Variants in SYN3 observed in about 807,000 individuals in gnomAD.
SYN3 encodes the protein synapsin III.
A neutral mutation model predicts 65.8 loss-of-function variants in SYN3; 35 were observed. That is an observed-to-expected ratio of 0.53 (90% CI 0.41 to 0.70). The LOEUF (loss-of-function observed/expected upper bound fraction) is 0.70. Among genes scored for constraint, SYN3 ranks in the 30% least tolerant of loss-of-function variants. SYN3 has a pLI of 0.00. For synonymous variants in SYN3, 270 were observed against 292.9 expected (o/e 0.92, Z 0.80); for missense variants, 680 against 749.0 (o/e 0.91, Z 1.08).
intron 6 of SYN3, among the ~76,000 whole-genome samples, chr22:32,658,665 C>T (rs1449114860): frequency 3.3e-5 from 5 of 152,064 alleles, no homozygotes; most frequent in Admixed American, 1.3e-4. Context: ...TAAGGATGTT[C>T]GTGGTGACAA....
At chr22:32,624,811 T>A (rs921707903) in intron 6 of SYN3, among the ~76,000 whole-genome samples, 1 of 152,190 alleles carries the variant, frequency 6.6e-6, no homozygotes, top group Non-Finnish European at 1.5e-5. Flanking sequence ...GGTTAGCATT[T>A]CCTTGCCAGA....
intron 6 of SYN3, among the ~76,000 whole-genome samples, chr22:32,831,846 C>T (rs1443130639): frequency 2.0e-5 from 3 of 152,102 alleles, no homozygotes; most frequent in East Asian, 3.9e-4. Flanking sequence ...GATGTCACTG[C>T]ACCCCCCCCA....
chr22:32,523,562 A>C (rs1664309345), intron 12 of SYN3, among the ~76,000 whole-genome samples: 1 of 152,142 alleles, frequency 6.6e-6, no homozygotes. Flanking sequence ...CTTACTTGAT[A>C]AATGTGTGTG....
chr22:32,786,524 G>A (rs962968510), intron 6 of SYN3, among the ~76,000 whole-genome samples: 2 of 151,844 alleles, frequency 1.3e-5, no homozygotes, highest in Non-Finnish European at 2.9e-5. Flanking sequence ...CACCACGCCC[G>A]GCAAATTTTT....
intron 3 of SYN3, among the ~76,000 whole-genome samples, chr22:32,963,242 ATTTT>A (rs59829876): frequency 8.9e-6 from 1 of 111,842 alleles, no homozygotes; most frequent in African/African-American, 3.6e-5. Flanking sequence ...TGCCTGGCTA[ATTTT>A]TTTTTTTTTT....
chr22:32,636,347 AGCCGAGATTGT>A lies in SYN3; in HGVS notation c.712-39622_712-39612del, dbSNP rs202246710. Reference sequence around the variant, plus strand: ...AACCCGGGAGGCGGAGCTTGCAGTGAGCCGAGATTGTGCCACTGCACTCCAGCCGGGACGAC... The same window carrying A: ...AACCCGGGAGGCGGAGCTTGCAGTGAGCCACTGCACTCCAGCCGGGACGAC... On this transcript the variant is annotated intron_variant, in intron 6 of 13. Transcript: ENST00000358763. Among the ~76,000 whole-genome samples the A allele has an allele frequency of 1.5e-3, 233 of 150,964 alleles. 3 individuals are homozygous for A. The East Asian group carries it at 0.039, about 25-fold the overall frequency.
intron 6 of SYN3, among the ~76,000 whole-genome samples, chr22:32,811,189 C>T (rs963256663): frequency 1.3e-5 from 2 of 151,962 alleles, no homozygotes; most frequent in Non-Finnish European, 2.9e-5. Context: ...GCAGGGAAGG[C>T]ATGTCTGGAG....
chr22:32,605,073 C>T (rs1272330157), intron 6 of SYN3, among the ~76,000 whole-genome samples: 1 of 151,824 alleles, frequency 6.6e-6, no homozygotes, highest in Non-Finnish European at 1.5e-5. Flanking sequence ...CTCCACTCCC[C>T]ATAGGTGGTC....
At chr22:32,814,320 A>AAAGAAAGAAAGAAAGG (rs2047018387) in intron 6 of SYN3, among the ~76,000 whole-genome samples, 5 of 144,704 alleles carry the variant, frequency 3.5e-5, no homozygotes, top group African/African-American at 1.3e-4. Context: ...AGAGAGACAG[A>AAAGAAAGAAAGAAAGG]AAGAAAGAAA....
intron 12 of SYN3, among the ~76,000 whole-genome samples, chr22:32,520,328 G>A (rs773001601): frequency 1.3e-5 from 2 of 151,500 alleles, no homozygotes; most frequent in East Asian, 1.9e-4. Flanking sequence ...GTAGAGATGG[G>A]GTGTCGCTGT....
intron 6 of SYN3, among the ~76,000 whole-genome samples, chr22:32,652,780 AG>A (rs1309225930): frequency 8.5e-5 from 13 of 152,190 alleles, no homozygotes; most frequent in African/African-American, 3.1e-4. Context: ...GTCACTCCCT[AG>A]TTAGCGGCAG....
intron 2 of SYN3, among the ~76,000 whole-genome samples, chr22:32,981,132 G>T (rs1411105554): frequency 6.6e-6 from 1 of 151,256 alleles, no homozygotes; most frequent in African/African-American, 2.4e-5. Flanking sequence ...TGGGATTACA[G>T]GCGTGAGCCA....
At chr22:32,552,161 G>A (rs1008271732) in intron 7 of SYN3, among the ~76,000 whole-genome samples, 5 of 152,194 alleles carry the variant, frequency 3.3e-5, no homozygotes, top group Admixed American at 6.5e-5. Flanking sequence ...CGGAAGAATC[G>A]CTTGAACCCG....
At chr22:32,997,342 CTG>C (rs1303266093) in intron 2 of SYN3, among the ~76,000 whole-genome samples, 2 of 152,212 alleles carry the variant, frequency 1.3e-5, no homozygotes, top group Non-Finnish European at 2.9e-5. Context: ...TCAAAGAGCT[CTG>C]TCATTCATGT....
At chr22:32,743,360 G>A (rs1465579184) in intron 6 of SYN3, among the ~76,000 whole-genome samples, 1 of 152,224 alleles carries the variant, frequency 6.6e-6, no homozygotes, top group Non-Finnish European at 1.5e-5. Flanking sequence ...GGCTTCTGCA[G>A]ACAATTCTGG....
At chr22:33,044,850 T>C (rs1192432008) in intron 1 of SYN3, among the ~76,000 whole-genome samples, 1 of 151,654 alleles carries the variant, frequency 6.6e-6, no homozygotes, top group Non-Finnish European at 1.5e-5. Flanking sequence ...TCTTCTTTTT[T>C]TTTTTTTTTG....
chr22:32,771,149 A>G (rs999105788), intron 6 of SYN3, among the ~76,000 whole-genome samples: 2 of 152,058 alleles, frequency 1.3e-5, no homozygotes, highest in African/African-American at 4.8e-5. Context: ...GTGGGTGACA[A>G]CATGTAGTGT....
chr22:32,872,936 CTT>C lies in SYN3; in HGVS notation c.462-3813_462-3812del, dbSNP rs35506480. On this transcript the variant is annotated intron_variant, in intron 4 of 13. Transcript: ENST00000358763. ...AGTTGGGTGCAACGTGCCCTAAGCA[CTT>C]TTTTTTTTTTTTTTTTTTTGAGAGA... 5.1e-3 allele frequency among the ~76,000 whole-genome samples: 584 copies of C among 115,138 alleles called. 3 individuals carry two copies. Among genetic ancestry groups the C allele is most frequent in the East Asian group, 0.034 (138 of 4,018 alleles). The allele number at this position is 115,138 out of a possible 152,430, so 75.5% of individuals were successfully genotyped here. A position where few individuals can be genotyped will look rare whatever the true frequency, so the allele number is the denominator to read the frequency against.
chr22:33,040,068 C>T (rs1006181459), intron 1 of SYN3, among the ~76,000 whole-genome samples: 3 of 149,408 alleles, frequency 2.0e-5, no homozygotes, highest in Admixed American at 6.7e-5. Flanking sequence ...CCCGCTCTGT[C>T]GCCCAGGCTG....
Sources: gnomAD v4.1 joint callset for allele counts (sites outside exome capture counted in the v4.1 genomes callset) on GRCh38, gnomAD v4.1.1 for gene constraint, MANE v1.5 for transcripts, NCBI Gene and HGNC (gene_info 2026-07-23, HGNC 2026-07-21) for gene names.